Variants in AGBL1 observed in about 807,000 individuals in gnomAD.
The protein encoded by AGBL1 is cytosolic carboxypeptidase 4.
AGBL1 carries 130 observed loss-of-function variants against 118.9 expected under a neutral mutation model. The ratio of observed to expected loss-of-function variants is 1.09; its 90% CI spans 0.95 to 1.26. The LOEUF (loss-of-function observed/expected upper bound fraction) is 1.26. AGBL1 is among the 50% of genes most tolerant of loss of function. The pLI is 0.00. For synonymous variants in AGBL1, 555 were observed against 478.9 expected (o/e 1.16, Z -2.08); for missense variants, 1,584 against 1,298.1 (o/e 1.22, Z -3.38).
chr15:86,962,199 A>G (rs2080999627), intron 23 of AGBL1, among the ~76,000 whole-genome samples: 1 of 151,146 alleles, frequency 6.6e-6, no homozygotes, highest in South Asian at 2.1e-4. Context: ...ACATGTAGAC[A>G]CAAAAGTGTT....
At chr15:86,790,343 A>G (rs979720094) in intron 22 of AGBL1, among the ~76,000 whole-genome samples, 1 of 148,902 alleles carries the variant, frequency 6.7e-6, no homozygotes, top group African/African-American at 2.5e-5. Context: ...TTGTCCTTCA[A>G]ACACACACAC....
At chr15:86,566,369 C>T (rs112947846) in intron 21 of AGBL1, among the ~76,000 whole-genome samples, 7 of 152,210 alleles carry the variant, frequency 4.6e-5, no homozygotes, top group African/African-American at 1.4e-4. Flanking sequence ...GTTCTATCCA[C>T]TATTTCCCCC....
chr15:86,825,387 T>A (rs1212341191), intron 22 of AGBL1, among the ~76,000 whole-genome samples: 6 of 11,148 alleles, frequency 5.4e-4, no homozygotes, highest in South Asian at 8.5e-3. Flanking sequence ...GTAGAAACTG[T>A]AAAAAAAAAA....
intron 9 of AGBL1, among the ~76,000 whole-genome samples, chr15:86,260,308 T>C (rs2078963057): frequency 6.6e-6 from 1 of 152,228 alleles, no homozygotes; most frequent in Non-Finnish European, 1.5e-5. Flanking sequence ...CAATCTTAGG[T>C]AATAATTGGG....
intron 22 of AGBL1, among the ~76,000 whole-genome samples, chr15:86,802,679 C>T (rs1378941091): frequency 6.6e-6 from 1 of 152,080 alleles, no homozygotes; most frequent in Non-Finnish European, 1.5e-5. Context: ...AATTGAGGGA[C>T]ACACAAACAA....
chr15:86,585,979 G>A (rs1001617114), intron 21 of AGBL1, among the ~76,000 whole-genome samples: 6 of 152,326 alleles, frequency 3.9e-5, no homozygotes, highest in South Asian at 2.1e-4. Context: ...CTTTCACTAT[G>A]ACAAGGGCTT....
chr15:86,940,427 G>A (rs2080736009), intron 23 of AGBL1, among the ~76,000 whole-genome samples: 1 of 151,990 alleles, frequency 6.6e-6, no homozygotes, highest in African/African-American at 2.4e-5. Context: ...GAGTGATCAG[G>A]CACTCACTCA....
At chr15:86,749,713 G>A (rs1305571803) in intron 22 of AGBL1, among the ~76,000 whole-genome samples, 5 of 152,168 alleles carry the variant, frequency 3.3e-5, no homozygotes, top group African/African-American at 1.2e-4. Context: ...AGAGTTTTTA[G>A]CATGAAGTGC....
intron 24 of AGBL1, among the ~76,000 whole-genome samples, chr15:86,991,579 A>G (rs1435089661): frequency 6.6e-6 from 1 of 152,202 alleles, no homozygotes; most frequent in South Asian, 2.1e-4. Context: ...AGATAATTTC[A>G]GAGGAAGGGA....
chr15:86,158,852 T>G, intron 4 of AGBL1, 81 bp from the exon 5 acceptor site: 2 of 1,261,290 alleles, frequency 1.6e-6, no homozygotes, highest in Non-Finnish European at 2.3e-6. Context: ...CCCTTAAAGA[T>G]TTAAAGGAGT....
At chr15:86,543,391 C>T (rs1458089642) in intron 19 of AGBL1, among the ~76,000 whole-genome samples, 1 of 152,064 alleles carries the variant, frequency 6.6e-6, no homozygotes, top group Non-Finnish European at 1.5e-5. Context: ...TTTCTTTAGA[C>T]TGTCAGTTGT....
intron 24 of AGBL1, among the ~76,000 whole-genome samples, chr15:87,006,893 C>T (rs1306507391): frequency 6.6e-6 from 1 of 152,136 alleles, no homozygotes; most frequent in Non-Finnish European, 1.5e-5. Flanking sequence ...AAGGATCTGA[C>T]ATGGGTCCTG....
chr15:86,550,595 G>A (rs946549943), intron 20 of AGBL1, among the ~76,000 whole-genome samples: 1 of 152,024 alleles, frequency 6.6e-6, no homozygotes, highest in African/African-American at 2.4e-5. Context: ...AAATGTATGT[G>A]AATATATATA....
intron 21 of AGBL1, among the ~76,000 whole-genome samples, chr15:86,618,192 A>T (rs569895034): frequency 1.3e-5 from 2 of 152,220 alleles, no homozygotes; most frequent in Non-Finnish European, 2.9e-5. Context: ...GATAATTTAA[A>T]TAAAGAAACA....
chr15:86,429,579 C>T (rs1245794935), intron 18 of AGBL1, among the ~76,000 whole-genome samples: 2 of 152,198 alleles, frequency 1.3e-5, no homozygotes, highest in Admixed American at 6.5e-5. Flanking sequence ...GGGACCGTAA[C>T]TTCAATTCAT....
At chr15:86,830,359 C>A (rs982174119) in intron 22 of AGBL1, among the ~76,000 whole-genome samples, 4 of 151,998 alleles carry the variant, frequency 2.6e-5, no homozygotes, top group Non-Finnish European at 5.9e-5. Context: ...TGTTTTTGAA[C>A]CTTATTTTTT....
At chr15:86,200,556 C>T (rs866354304) in intron 5 of AGBL1, among the ~76,000 whole-genome samples, 2,878 of 142,038 alleles carry the variant, frequency 0.02, 111 homozygotes, top group Non-Finnish European at 0.032. Context: ...CCCTACCCCC[C>T]CCCCCCTTTT....
At chr15:86,349,755 G>C (rs1241881476) in intron 17 of AGBL1, among the ~76,000 whole-genome samples, 1 of 152,170 alleles carries the variant, frequency 6.6e-6, no homozygotes, top group African/African-American at 2.4e-5. Flanking sequence ...TGAGATGTCT[G>C]TGTAAATCCT....
chr15:86,905,248 G>C (rs1296382134), intron 22 of AGBL1, among the ~76,000 whole-genome samples: 8 of 152,192 alleles, frequency 5.3e-5, no homozygotes, highest in Non-Finnish European at 1.5e-5. Context: ...AGTGACTAGA[G>C]CCAACTGTGC....
Sources: allele counts gnomAD v4.1 joint callset (sites outside exome capture counted in the v4.1 genomes callset), GRCh38; gene constraint gnomAD v4.1.1; transcripts MANE v1.5; gene names NCBI Gene and HGNC (gene_info 2026-07-23, HGNC 2026-07-21).